The following GAN variants were observed in gnomAD, a reference collection of about 807,000 sequenced individuals.
The protein encoded by GAN is gigaxonin, also known as epididymis secretory sperm binding protein.
Under a neutral mutation model 71.3 loss-of-function variants are expected in GAN, and 48 were observed. That is an observed-to-expected ratio of 0.67 (90% CI 0.53 to 0.86). The LOEUF is 0.86. GAN is among the 40% of genes least tolerant of loss of function. The pLI is 0.00. For missense variants in GAN, 928 were observed against 770.1 expected (o/e 1.21, Z -2.43); for synonymous variants, 386 against 276.8 (o/e 1.39, Z -3.92).
At chr16:81,367,532 A>G (rs1910900148) in intron 9 of GAN, among the ~76,000 whole-genome samples, 1 of 152,200 alleles carries the variant, frequency 6.6e-6, no homozygotes, top group Non-Finnish European at 1.5e-5. Flanking sequence ...CTGTCTCTAA[A>G]TAAATAAGAG....
intron 1 of GAN, among the ~76,000 whole-genome samples, chr16:81,339,444 T>C (rs1909871175): frequency 6.6e-6 from 1 of 152,192 alleles, no homozygotes; most frequent in Admixed American, 6.5e-5. Flanking sequence ...CTTGAGTATT[T>C]AAAGACCACT....
intron 1 of GAN, among the ~76,000 whole-genome samples, chr16:81,344,803 G>C (rs1910061998): frequency 6.6e-6 from 1 of 152,182 alleles, no homozygotes; most frequent in South Asian, 2.1e-4. Context: ...ACTACCCTCA[G>C]AGTGAACGGG....
At chr16:81,349,977 T>G (rs1035904711) in intron 1 of GAN, among the ~76,000 whole-genome samples, 5 of 152,150 alleles carry the variant, frequency 3.3e-5, no homozygotes, top group Non-Finnish European at 5.9e-5. Context: ...TTAAATTTTC[T>G]TAGTAAAAAA....
Position 81,365,452 on chromosome 16 carries a change from C to T in GAN, c.1476C>T (p.Ser492=), listed in dbSNP as rs756866064. 18 of 1,613,464 alleles carry T rather than the reference C, an allele frequency of 1.1e-5. No individual in the cohort carries two copies. The highest frequency in any genetic ancestry group is 5.0e-5 in the Admixed American group (3 of 59,916). ...AQGSEMVTCK[S]EFYHDEFKRW... is the part of the protein sequence containing the mutation. ...GTAGCGAGATGGTAACTTGCAAGTC[C>T]GAGTTCTACCATGATGAGTTTAAAA... is the stretch of plus-strand genomic sequence containing the variant. Residue 492 remains serine, a synonymous_variant, in exon 9 of 11, where the codon TCC becomes TCT. Coordinates refer to ENST00000648994, the MANE Select transcript of GAN (RefSeq NM_022041.4).
intron 9 of GAN, among the ~76,000 whole-genome samples, chr16:81,365,766 C>T (rs901678051): frequency 3.4e-4 from 51 of 151,940 alleles, no homozygotes; most frequent in African/African-American, 1.1e-3. Context: ...AACTCCTTAA[C>T]TTGTTGGGCA....
intron 5 of GAN, among the ~76,000 whole-genome samples, chr16:81,361,698 ATTG>A (rs780245012): frequency 1.3e-5 from 2 of 152,110 alleles, no homozygotes; most frequent in Non-Finnish European, 2.9e-5. Context: ...GAAGATTATT[ATTG>A]TTGTTATTTT....
Position 81,365,326 on chromosome 16 carries a change from A to T in GAN, c.1374-24A>T, listed in dbSNP as rs776058780. The T allele has an allele frequency of 3.7e-6, 6 of 1,613,898 alleles. No individual in the cohort carries two copies. The South Asian group carries it at 6.6e-5, about 18-fold the overall frequency. On this transcript the variant is annotated intron_variant, in intron 8 of 10. Transcript: ENST00000648994. ...TCTCGCATTGTACAGCTTGTGCCTG[A>T]TAACGCTGTGTGTGGCCTTTCAGGT...
At chr16:81,375,234 G>A (rs1004796506) in intron 9 of GAN, among the ~76,000 whole-genome samples, 1 of 149,066 alleles carries the variant, frequency 6.7e-6, no homozygotes, top group Non-Finnish European at 1.5e-5. Context: ...TATATCCACA[G>A]GATATAAAGA....
At chr16:81,327,933 A>T (rs1178067933) in intron 1 of GAN, among the ~76,000 whole-genome samples, 1 of 152,230 alleles carries the variant, frequency 6.6e-6, no homozygotes, top group Non-Finnish European at 1.5e-5. Flanking sequence ...TGTGGCACGA[A>T]TGCCTTCCTT....
intron 5 of GAN, among the ~76,000 whole-genome samples, chr16:81,360,850 C>G (rs1910649643): frequency 6.6e-6 from 1 of 152,184 alleles, no homozygotes; most frequent in Non-Finnish European, 1.5e-5. Flanking sequence ...TTCCTATGAT[C>G]TGCTTCTGCT....
Position 81,315,218 on chromosome 16 carries a change from C to T in GAN, c.105C>T (p.Val35=). ...EESRFCDAHL[V]LDGEEIPVQK... is the part of the protein sequence containing the mutation. ...CTCGCTTCTGCGACGCGCACCTGGT[C>T]CTCGACGGGGAGGAGATCCCGGTGC... Residue 35 remains valine, a synonymous_variant, in exon 1 of 11, where the codon GTC becomes GTT. Transcript: ENST00000648994. 1 of 1,582,234 alleles carries T rather than the reference C, an allele frequency of 6.3e-7. No individual in the cohort carries two copies. Among genetic ancestry groups the T allele is most frequent in the Non-Finnish European group, 8.6e-7 (1 of 1,166,472 alleles).
At chr16:81,357,976 T>A in intron 5 of GAN, 45 bp downstream of exon 5, 1 of 1,526,196 alleles carries the variant, frequency 6.6e-7, no homozygotes, top group Middle Eastern at 1.7e-4. Flanking sequence ...GATCAAGTAA[T>A]GTGTAATCTC....
Position 81,387,261 on chromosome 16 carries a change from T to C in GAN, c.*9665T>C, listed in dbSNP as rs1309161076. 1 of 152,144 alleles carries C rather than the reference T, an allele frequency of 6.6e-6. No homozygotes were observed. Among genetic ancestry groups the C allele is most frequent in the Non-Finnish European group, 1.5e-5 (1 of 68,028 alleles). The allele number at this position is 152,144 out of a possible 1,614,324, so 9.4% of individuals were successfully genotyped here. A position where few individuals can be genotyped will look rare whatever the true frequency, so the allele number is the denominator to read the frequency against. On this transcript the variant is annotated 3_prime_UTR_variant, in exon 11 of 11. Coordinates refer to ENST00000648994, the MANE Select transcript of GAN (RefSeq NM_022041.4). ...TATATGAAATTTCAGAAAAAAGTTT[T>C]GTTGCGGGGGGTGGGATATTGATCA...
chr16:81,338,224 G>C (rs560043324), intron 1 of GAN, among the ~76,000 whole-genome samples: 33 of 152,268 alleles, frequency 2.2e-4, no homozygotes, highest in African/African-American at 7.0e-4. Flanking sequence ...TTGTCAAGGT[G>C]ATATTTTAAG....
rs1196398102 is a variant in GAN, at chr16:81,383,604, T to C, written c.*6008T>C. 6.6e-6 allele frequency: 1 copy of C among 151,990 alleles called. No individual in the cohort carries two copies. The highest frequency in any genetic ancestry group is 2.4e-5 in the African/African-American group (1 of 41,378). 9.4% of individuals were successfully genotyped at this position (151,990 alleles called of 1,614,324 possible). A position where few individuals can be genotyped will look rare whatever the true frequency, so the allele number is the denominator to read the frequency against. ...AAACTAATTCTTTTAAAGTCACTAC[T>C]CAGCTGAAATTTGGCCTGATTATAA... On this transcript the variant is annotated 3_prime_UTR_variant, in exon 11 of 11. Transcript: ENST00000648994.
intron 1 of GAN, among the ~76,000 whole-genome samples, chr16:81,334,201 G>T (rs1008188654): frequency 6.6e-6 from 1 of 152,218 alleles, no homozygotes; most frequent in Non-Finnish European, 1.5e-5. Context: ...AGTGGATGAT[G>T]TGATATCAAG....
At chr16:81,365,719 T>C (rs75378898) in intron 9 of GAN, among the ~76,000 whole-genome samples, 143 of 151,764 alleles carry the variant, frequency 9.4e-4, no homozygotes, top group African/African-American at 3.2e-3. Flanking sequence ...CTTAAAATCA[T>C]TTATTGGCTC....
In GAN at chr16:81,377,296, C is replaced by G; in HGVS notation, c.1580C>G (p.Ala527Gly). ...SFVYGAVPIGASIYVIGDLDT... is the reference protein window; with the variant it reads ...SFVYGAVPIGGSIYVIGDLDT... ...GTTTATGGAGCTGTACCTATAGGAG[C>G]CAGTATTTATGTTATTGGAGATCTT... Residue 527 changes from alanine to glycine, a missense_variant, in exon 10 of 11, where the codon GCC becomes GGC. Ala to Gly is a moderately conservative substitution (Grantham distance 60). Transcript: ENST00000648994. The G allele has an allele frequency of 6.2e-7, 1 of 1,607,576 alleles. No homozygotes were observed. The highest frequency in any genetic ancestry group is 1.3e-5 in the African/African-American group (1 of 74,844).
rs1240276112 is a variant in GAN at position 81,384,391 on chromosome 16, A to T, written c.*6795A>T. ...AGTTGCTGCAAACTGATTACTTGAA[A>T]CTCAACTTGAACTTTAAAGAGTCTT... On this transcript the variant is annotated 3_prime_UTR_variant, in exon 11 of 11. Transcript: ENST00000648994. 6.6e-6 allele frequency: 1 copy of T among 152,004 alleles called. No individual in the cohort carries two copies. Among genetic ancestry groups the T allele is most frequent in the Admixed American group, 6.6e-5 (1 of 15,210 alleles). 9.4% of individuals were successfully genotyped at this position (152,004 alleles called of 1,614,324 possible). A position where few individuals can be genotyped will look rare whatever the true frequency, so the allele number is the denominator to read the frequency against.
Sources: gnomAD v4.1 joint callset for allele counts (sites outside exome capture counted in the v4.1 genomes callset) on GRCh38, gnomAD v4.1.1 for gene constraint, MANE v1.5 for transcripts, NCBI Gene and HGNC (gene_info 2026-07-23, HGNC 2026-07-21) for gene names.